Variants in ROBO2 observed in about 807,000 individuals in gnomAD.
ROBO2 encodes the protein roundabout homolog 2.
Under a neutral mutation model 160.8 loss-of-function variants are expected in ROBO2, and 53 were observed. The ratio of observed to expected loss-of-function variants is 0.33; its 90% CI spans 0.26 to 0.41. ROBO2 has a LOEUF of 0.41. ROBO2 is among the 10% of genes least tolerant of loss of function. The pLI is 1.00. For synonymous variants in ROBO2, 664 were observed against 611.7 expected (o/e 1.09, Z -1.26); for missense variants, 1,577 against 1,722.4 (o/e 0.92, Z 1.49).
chr3:76,406,013 T>C (rs1478575072), intron 2 of ROBO2, among the ~76,000 whole-genome samples: 2 of 151,748 alleles, frequency 1.3e-5, no homozygotes, highest in Non-Finnish European at 3.0e-5. Context: ...TATAACTAAA[T>C]AGATGTCTAT....
chr3:76,764,865 T>A (rs2061491256), intron 2 of ROBO2, among the ~76,000 whole-genome samples: 1 of 151,692 alleles, frequency 6.6e-6, no homozygotes, highest in African/African-American at 2.4e-5. Flanking sequence ...CATATATATT[T>A]TGCCTTTCTT....
chr3:77,466,513 GT>G (rs2082777203), intron 2 of ROBO2, among the ~76,000 whole-genome samples: 1 of 152,098 alleles, frequency 6.6e-6, no homozygotes, highest in Non-Finnish European at 1.5e-5. Context: ...ACCTCCAATG[GT>G]TATGGTTACA....
chr3:76,221,523 C>G (rs776043485), intron 2 of ROBO2, among the ~76,000 whole-genome samples: 2 of 152,194 alleles, frequency 1.3e-5, no homozygotes, highest in Non-Finnish European at 2.9e-5. Context: ...CGCTTTGATT[C>G]CTGAACCCAT....
At chr3:76,808,755 T>C (rs2064938164) in intron 2 of ROBO2, among the ~76,000 whole-genome samples, 1 of 152,064 alleles carries the variant, frequency 6.6e-6, no homozygotes, top group South Asian at 2.1e-4. Flanking sequence ...GACGTGTCTA[T>C]TTGGAAGGAG....
At chr3:76,219,878 A>G (rs1317348271) in intron 2 of ROBO2, among the ~76,000 whole-genome samples, 1 of 152,020 alleles carries the variant, frequency 6.6e-6, no homozygotes, top group Non-Finnish European at 1.5e-5. Context: ...ACATGCACAC[A>G]TATGTTTACT....
At chr3:77,231,056 C>T (rs1029997328) in intron 2 of ROBO2, among the ~76,000 whole-genome samples, 5 of 151,536 alleles carry the variant, frequency 3.3e-5, no homozygotes, top group African/African-American at 4.9e-5. Context: ...CTGGGATCTA[C>T]TTTCTCACTA....
At chr3:76,365,655 TATG>T (rs2075772608) in intron 2 of ROBO2, among the ~76,000 whole-genome samples, 1 of 152,106 alleles carries the variant, frequency 6.6e-6, no homozygotes, top group African/African-American at 2.4e-5. Context: ...CATTAGGGCT[TATG>T]ATAATGACAA....
intron 1 of ROBO2, among the ~76,000 whole-genome samples, chr3:75,913,232 C>G (rs1946672988): frequency 6.6e-6 from 1 of 152,164 alleles, no homozygotes; most frequent in Non-Finnish European, 1.5e-5. Context: ...CTCTCTACTT[C>G]ATCTAAGGAC....
intron 2 of ROBO2, among the ~76,000 whole-genome samples, chr3:76,878,835 T>A (rs1277350163): frequency 6.6e-6 from 1 of 152,162 alleles, no homozygotes; most frequent in Non-Finnish European, 1.5e-5. Flanking sequence ...TAAACTGCAT[T>A]TTAATAATGC....
intron 2 of ROBO2, among the ~76,000 whole-genome samples, chr3:76,379,623 T>C (rs2108540913): frequency 6.6e-6 from 1 of 152,278 alleles, no homozygotes; most frequent in African/African-American, 2.4e-5. Flanking sequence ...TCAGATAACT[T>C]GAAAATTCTG....
chr3:77,487,193 G>A (rs1395527537), intron 4 of ROBO2, among the ~76,000 whole-genome samples: 1 of 152,062 alleles, frequency 6.6e-6, no homozygotes, highest in Non-Finnish European at 1.5e-5. Context: ...GTAGCATGTG[G>A]TATAAGAACA....
At chr3:77,218,751 G>T (rs1242923597) in intron 2 of ROBO2, among the ~76,000 whole-genome samples, 3 of 152,122 alleles carry the variant, frequency 2.0e-5, no homozygotes, top group African/African-American at 7.2e-5. Context: ...GTATTCTGCA[G>T]TCGTAGTGAC....
At chr3:76,834,146 CCTTTCTTTCTCTCTCTTT>C (rs1223804290) in intron 2 of ROBO2, among the ~76,000 whole-genome samples, 1 of 120,864 alleles carries the variant, frequency 8.3e-6, no homozygotes, top group Non-Finnish European at 1.7e-5. Context: ...TTCCTTCCTT[CCTTTCTTTCTCTCTCTTT>C]CTTTCTTTCT....
intron 2 of ROBO2, among the ~76,000 whole-genome samples, chr3:75,970,466 A>G (rs1576336726): frequency 2.0e-5 from 3 of 151,536 alleles, no homozygotes; most frequent in East Asian, 3.9e-4. Context: ...TGAAGAAGAC[A>G]TGCCAACAGA....
At chr3:77,113,130 T>A (rs896125015) in intron 2 of ROBO2, among the ~76,000 whole-genome samples, 1 of 152,210 alleles carries the variant, frequency 6.6e-6, no homozygotes, top group African/African-American at 2.4e-5. Context: ...TCCATTGAGA[T>A]TGTAAGCAAT....
At chr3:76,576,277 T>C (rs78070096) in intron 2 of ROBO2, among the ~76,000 whole-genome samples, 29 of 152,224 alleles carry the variant, frequency 1.9e-4, no homozygotes, top group African/African-American at 6.3e-4. Flanking sequence ...CATACACTGA[T>C]ATGAGCCCTT....
At chr3:77,433,288 G>A (rs2078961581) in intron 2 of ROBO2, among the ~76,000 whole-genome samples, 1 of 151,720 alleles carries the variant, frequency 6.6e-6, no homozygotes, top group South Asian at 2.1e-4. Flanking sequence ...CTGCATTTCA[G>A]ATAATTTATT....
At chr3:76,968,778 A>T (rs2059430821) in intron 2 of ROBO2, among the ~76,000 whole-genome samples, 1 of 152,164 alleles carries the variant, frequency 6.6e-6, no homozygotes, top group African/African-American at 2.4e-5. Context: ...TGATTGATGG[A>T]TATTTTCAGC....
intron 2 of ROBO2, among the ~76,000 whole-genome samples, chr3:76,728,762 T>A (rs1213969254): frequency 1.3e-5 from 2 of 152,216 alleles, no homozygotes; most frequent in African/African-American, 2.4e-5. Flanking sequence ...AAATGGTAAT[T>A]CGACAGTAAA....
Sources: allele counts gnomAD v4.1 joint callset (sites outside exome capture counted in the v4.1 genomes callset), GRCh38; gene constraint gnomAD v4.1.1; transcripts MANE v1.5; gene names NCBI Gene and HGNC (gene_info 2026-07-23, HGNC 2026-07-21).